The following MET variants were observed in gnomAD, a reference collection of about 807,000 sequenced individuals.
The protein encoded by MET is MET proto-oncogene, receptor tyrosine kinase, also known as hepatocyte growth factor receptor.
Under a neutral mutation model 133.1 loss-of-function variants are expected in MET, and 48 were observed. That is an observed-to-expected ratio of 0.36 (90% CI 0.29 to 0.46). MET has a LOEUF of 0.46. MET is among the 20% of genes least tolerant of loss of function. The probability of loss-of-function intolerance (pLI) is 1.00; values close to 1 mark genes in which losing one functional copy is unlikely to be tolerated. For synonymous variants in MET, 628 were observed against 616.5 expected, an observed-to-expected ratio of 1.02 and a Z score of -0.28; for missense variants, 1,442 against 1,695.9, an observed-to-expected ratio of 0.85 and a Z score of 2.63.
intron 3 of MET, among the ~76,000 whole-genome samples, chr7:116,733,857 A>G (rs1793114878): frequency 6.6e-6 from 1 of 152,248 alleles, no homozygotes; most frequent in Admixed American, 6.5e-5. Context: ...AGTAGGAAAG[A>G]TACCTGATAA....
At chr7:116,751,857 C>T (rs1466185958) in intron 5 of MET, among the ~76,000 whole-genome samples, 3 of 151,982 alleles carry the variant, frequency 2.0e-5, no homozygotes, top group African/African-American at 7.3e-5. Flanking sequence ...GTCAGGAGAT[C>T]GAGACCATCC....
At chr7:116,701,724 G>T (rs1040901649) in intron 2 of MET, among the ~76,000 whole-genome samples, 2 of 151,960 alleles carry the variant, frequency 1.3e-5, no homozygotes, top group African/African-American at 4.8e-5. Context: ...AACTACAAAA[G>T]AATGAAAGGA....
At chr7:116,763,519 A>G (rs1038326478) in intron 11 of MET, among the ~76,000 whole-genome samples, 2 of 152,246 alleles carry the variant, frequency 1.3e-5, no homozygotes, top group African/African-American at 4.8e-5. Context: ...GACACAAATT[A>G]TCCATTAAAG....
In MET at chr7:116,732,308, T is replaced by C. The variant is rs554438960; in HGVS notation, c.1392+449T>C. ...GAGTTAGGAAGGGACAACATTATCATCAAAATCCCATTGTAACTCAAGCTC... is the reference window on the plus strand; with the variant it reads ...GAGTTAGGAAGGGACAACATTATCACCAAAATCCCATTGTAACTCAAGCTC... On this transcript the variant is annotated intron_variant, in intron 3 of 20. Coordinates refer to ENST00000397752, the MANE Select transcript of MET (RefSeq NM_000245.4). 2.0e-5 allele frequency among the ~76,000 whole-genome samples: 3 copies of C among 152,314 alleles called. No homozygotes were observed. In the East Asian group the frequency reaches 5.8e-4, roughly 29 times the overall value.
At chr7:116,757,600 G>A (rs1455734334) in intron 7 of MET, 38 bp from the exon 8 acceptor site, 9 of 1,613,378 alleles carry the variant, frequency 5.6e-6, no homozygotes, top group Admixed American at 5.0e-5. Flanking sequence ...ATTATAAGAT[G>A]AACAAGTTAC....
intron 2 of MET, among the ~76,000 whole-genome samples, chr7:116,720,191 G>A (rs1792424548): frequency 6.7e-6 from 1 of 149,386 alleles, no homozygotes; most frequent in Admixed American, 6.7e-5. Context: ...TCCTTGAAGA[G>A]GTCCTTCACA....
At chr7:116,695,614 C>T (rs747146480) in intron 1 of MET, 57 of 271,948 alleles carry the variant, frequency 2.1e-4, no homozygotes, top group Non-Finnish European at 3.9e-4. Context: ...GAAGCTGCTT[C>T]GGCATAGTGA....
At chr7:116,710,778 T>C (rs1791968383) in intron 2 of MET, among the ~76,000 whole-genome samples, 1 of 152,154 alleles carries the variant, frequency 6.6e-6, no homozygotes, top group African/African-American at 2.4e-5. Flanking sequence ...TGATATCTTA[T>C]AACCCTGGTG....
At chr7:116,678,274 T>C (rs1584850057) in intron 1 of MET, among the ~76,000 whole-genome samples, 1 of 152,152 alleles carries the variant, frequency 6.6e-6, no homozygotes, top group East Asian at 1.9e-4. Flanking sequence ...CTTCCTACTA[T>C]TTTAAATGCA....
At chr7:116,755,020 G>GAAAGAAAGAAAGAAAGAAAGAAAGA (rs1794118421) in intron 5 of MET, among the ~76,000 whole-genome samples, 1 of 150,972 alleles carries the variant, frequency 6.6e-6, no homozygotes, top group African/African-American at 2.4e-5. Flanking sequence ...AAGAAAGAAA[G>GAAAGAAAGAAAGAAAGAAAGAAAGA]AAAGAAAGAA....
chr7:116,711,426 A>G (rs1167554347), intron 2 of MET, among the ~76,000 whole-genome samples: 1 of 152,250 alleles, frequency 6.6e-6, no homozygotes, highest in Non-Finnish European at 1.5e-5. Flanking sequence ...CTATTTAATC[A>G]AGAAATTTAA....
At chr7:116,731,180 G>A (rs191344711) in intron 2 of MET, among the ~76,000 whole-genome samples, 5 of 152,292 alleles carry the variant, frequency 3.3e-5, no homozygotes, top group Admixed American at 3.3e-4. Context: ...TTGGGTCAGT[G>A]CTCTGTGGCC....
Position 116,758,324 on chromosome 7 carries a change from C to A in MET, c.2103-135C>A. On this transcript the variant is annotated intron_variant, in intron 8 of 20. Transcript: ENST00000397752. Reference sequence around the variant, plus strand: ...AGATCCAGTCAGATTAAACAGCCTACACTAGAAAAGGCTTCCACTCAGGAA... The same window carrying A: ...AGATCCAGTCAGATTAAACAGCCTAAACTAGAAAAGGCTTCCACTCAGGAA... 2.4e-6 allele frequency: 2 copies of A among 841,448 alleles called. 1 individual carries two copies. Among genetic ancestry groups the A allele is most frequent in the South Asian group, 3.0e-5 (2 of 67,754 alleles). 52.1% of individuals were successfully genotyped at this position (841,448 alleles called of 1,614,324 possible).
At chr7:116,789,410 T>A (rs1371988996) in intron 19 of MET, among the ~76,000 whole-genome samples, 3 of 152,196 alleles carry the variant, frequency 2.0e-5, no homozygotes, top group Non-Finnish European at 2.9e-5. Flanking sequence ...GGCATCACCA[T>A]TGTGTAATTT....
intron 12 of MET, 85 bp downstream of exon 12, chr7:116,769,876 G>A (rs1013805784): frequency 3.8e-6 from 6 of 1,581,988 alleles, no homozygotes; most frequent in Non-Finnish European, 4.3e-6. Flanking sequence ...AATCATTAAA[G>A]CTCATTTATG....
chr7:116,786,327 C>T (rs1795313220), intron 19 of MET, among the ~76,000 whole-genome samples: 1 of 152,218 alleles, frequency 6.6e-6, no homozygotes, highest in African/African-American at 2.4e-5. Flanking sequence ...AGAGCTTCAA[C>T]ATATGAATTT....
intron 5 of MET, among the ~76,000 whole-genome samples, chr7:116,748,879 C>T (rs1253603006): frequency 6.6e-6 from 1 of 152,184 alleles, no homozygotes; most frequent in African/African-American, 2.4e-5. Context: ...TTCCTGGACA[C>T]ATACAGCCTC....
At chr7:116,689,793 C>G (rs529178455) in intron 1 of MET, among the ~76,000 whole-genome samples, 128 of 152,220 alleles carry the variant, frequency 8.4e-4, no homozygotes, top group African/African-American at 3.0e-3. Flanking sequence ...CTCCTGAACT[C>G]AAGCAATCGT....
At chr7:116,686,159 T>C (rs540567863) in intron 1 of MET, among the ~76,000 whole-genome samples, 41 of 151,998 alleles carry the variant, frequency 2.7e-4, no homozygotes, top group Non-Finnish European at 5.4e-4. Context: ...TGACTCCCCA[T>C]TTCACTCCAA....
Sources: gnomAD v4.1 joint callset for allele counts (sites outside exome capture counted in the v4.1 genomes callset) on GRCh38, gnomAD v4.1.1 for gene constraint, MANE v1.5 for transcripts, NCBI Gene and HGNC (gene_info 2026-07-23, HGNC 2026-07-21) for gene names.